Variants in PPP1R12B observed in about 807,000 individuals in gnomAD.
PPP1R12B encodes the protein protein phosphatase 1 regulatory subunit 12B.
In PPP1R12B, 76 loss-of-function variants were observed where a neutral mutation model predicts 126.1. The observed-to-expected ratio is 0.60, with a 90% confidence interval of 0.50 to 0.73. The LOEUF is 0.73. Ranked by LOEUF, PPP1R12B falls within the 30% of genes least tolerant of loss-of-function variation. PPP1R12B has a pLI of 0.00. For synonymous variants in PPP1R12B, 356 were observed against 434.7 expected, an observed-to-expected ratio of 0.82 and a Z score of 2.25; for missense variants, 1,052 against 1,205.1, an observed-to-expected ratio of 0.87 and a Z score of 1.88.
chr1:202,348,735 A>G lies in PPP1R12B; in HGVS notation c.-117A>G, dbSNP rs1032476098. 4.2e-5 allele frequency: 55 copies of G among 1,314,644 alleles called. No individual in the cohort carries two copies. Among genetic ancestry groups the G allele is most frequent in the South Asian group, 4.7e-5 (3 of 64,514 alleles). 81.4% of individuals were successfully genotyped at this position (1,314,644 alleles called of 1,614,324 possible). A position where few individuals can be genotyped will look rare whatever the true frequency, so the allele number is the denominator to read the frequency against. On this transcript the variant is annotated 5_prime_UTR_variant, in exon 1 of 24. Transcript: ENST00000608999. ...CGGGAGGAGTAAAGATGGCGGCGCG[A>G]GGGTCTCCGCCCTCTGCTCCGGGCT...
At chr1:202,435,149 G>C (rs2741852) in intron 9 of PPP1R12B, among the ~76,000 whole-genome samples, 81,156 of 151,846 alleles carry the variant, frequency 0.53, 22,111 homozygotes, top group East Asian at 0.71. Flanking sequence ...CCTCATTTAA[G>C]CTTCATCACT....
At chr1:202,439,713 C>T in intron 10 of PPP1R12B, 2 of 590,704 alleles carry the variant, frequency 3.4e-6, no homozygotes, top group Middle Eastern at 4.6e-4. Context: ...TTGTGCAGCC[C>T]AGCCAGCAGG....
chr1:202,474,954 G>C (rs1360078270), intron 13 of PPP1R12B, among the ~76,000 whole-genome samples: 1 of 152,138 alleles, frequency 6.6e-6, no homozygotes, highest in Non-Finnish European at 1.5e-5. Flanking sequence ...ATTTAGTGAG[G>C]AGACTTAGAG....
At chr1:202,350,514 T>C (rs528825733) in intron 1 of PPP1R12B, among the ~76,000 whole-genome samples, 5 of 152,326 alleles carry the variant, frequency 3.3e-5, no homozygotes, top group African/African-American at 9.6e-5. Flanking sequence ...TCTCACTTAA[T>C]AAGGAGCTGA....
chr1:202,368,094 C>T (rs1028534135), intron 1 of PPP1R12B, among the ~76,000 whole-genome samples: 4 of 152,016 alleles, frequency 2.6e-5, no homozygotes, highest in Admixed American at 6.6e-5. Flanking sequence ...CTCAGTTTCC[C>T]GAGTAGCTGG....
intron 18 of PPP1R12B, among the ~76,000 whole-genome samples, chr1:202,551,377 A>G (rs1244668510): frequency 1.3e-5 from 2 of 152,314 alleles, no homozygotes; most frequent in South Asian, 2.1e-4. Flanking sequence ...ACACATATGT[A>G]TACCAGGTCA....
At chr1:202,439,585 C>T (rs1671341873) in intron 10 of PPP1R12B, 1 of 1,265,876 alleles carries the variant, frequency 7.9e-7, no homozygotes, top group Non-Finnish European at 1.1e-6. Context: ...AGGTGGCCGC[C>T]ACCCCCTCTG....
chr1:202,357,413 TGAA>T (rs1657311659), intron 1 of PPP1R12B, among the ~76,000 whole-genome samples: 1 of 152,196 alleles, frequency 6.6e-6, no homozygotes, highest in Admixed American at 6.5e-5. Context: ...GGAGGTTATA[TGAA>T]GTTTTTTTTT....
In PPP1R12B at chr1:202,432,455, A is replaced by G. The variant is rs1214988625; in HGVS notation, c.1141+836A>G. On this transcript the variant is annotated intron_variant, in intron 8 of 23. Coordinates refer to ENST00000608999, the MANE Select transcript of PPP1R12B (RefSeq NM_002481.4). ...GCTAATTTTAGTATTTTTAGTAGAG[A>G]CAGGGTTTCACTGTGTTGGCCAGCT... 2.0e-5 allele frequency among the ~76,000 whole-genome samples: 3 copies of G among 151,996 alleles called. 1 individual carries two copies. The highest frequency in any genetic ancestry group is 4.1e-4 in the South Asian group (2 of 4,824).
At chr1:202,567,649 T>G (rs1399974384) in intron 21 of PPP1R12B, 129 bp from the exon 22 acceptor site, 1 of 902,120 alleles carries the variant, frequency 1.1e-6, no homozygotes, top group Non-Finnish European at 1.7e-6. Context: ...TGGGGATCCC[T>G]GCTATAGGGG....
chr1:202,550,411 A>G (rs1686188532), intron 18 of PPP1R12B, among the ~76,000 whole-genome samples: 1 of 152,052 alleles, frequency 6.6e-6, no homozygotes, highest in African/African-American at 2.4e-5. Context: ...GTGGGGAGAG[A>G]CCTGGAATCT....
At chr1:202,421,453 A>G (rs962420684) in intron 2 of PPP1R12B, among the ~76,000 whole-genome samples, 3 of 151,736 alleles carry the variant, frequency 2.0e-5, no homozygotes, top group African/African-American at 7.3e-5. Flanking sequence ...CCTGACCAAC[A>G]TGGCAACACA....
intron 18 of PPP1R12B, among the ~76,000 whole-genome samples, chr1:202,513,931 G>A (rs1332386671): frequency 1.3e-5 from 2 of 152,206 alleles, no homozygotes; most frequent in Admixed American, 1.3e-4. Context: ...AGAAGGAAAA[G>A]AGCCTGGAAA....
chr1:202,503,599 G>GC (rs1680460730), intron 18 of PPP1R12B, among the ~76,000 whole-genome samples: 1 of 152,094 alleles, frequency 6.6e-6, no homozygotes, highest in Non-Finnish European at 1.5e-5. Flanking sequence ...CAGAGAAGAG[G>GC]CCGAAAGAGC....
At chr1:202,486,820 C>A (rs181600685) in intron 13 of PPP1R12B, among the ~76,000 whole-genome samples, 1 of 152,220 alleles carries the variant, frequency 6.6e-6, no homozygotes, top group East Asian at 1.9e-4. Flanking sequence ...AAAACAAAAC[C>A]TTCCCACAAG....
At chr1:202,446,790 T>C (rs1027000650) in intron 12 of PPP1R12B, among the ~76,000 whole-genome samples, 2 of 151,926 alleles carry the variant, frequency 1.3e-5, no homozygotes, top group South Asian at 2.1e-4. Context: ...TTTTTTTTTT[T>C]CTTGCACTTA....
intron 1 of PPP1R12B, among the ~76,000 whole-genome samples, chr1:202,351,519 A>T (rs534844104): frequency 2.6e-5 from 4 of 152,310 alleles, no homozygotes; most frequent in African/African-American, 4.8e-5. Flanking sequence ...GATTACAGGC[A>T]TGAGCCACCG....
intron 18 of PPP1R12B, among the ~76,000 whole-genome samples, chr1:202,530,073 G>T (rs1683771545): frequency 6.6e-6 from 1 of 151,934 alleles, no homozygotes; most frequent in Non-Finnish European, 1.5e-5. Flanking sequence ...GAGCCCTTTT[G>T]CTACTTTTAA....
chr1:202,356,066 A>T (rs549472439), intron 1 of PPP1R12B, among the ~76,000 whole-genome samples: 8 of 152,230 alleles, frequency 5.3e-5, no homozygotes, highest in Admixed American at 4.6e-4. Context: ...ATGTGGTCCC[A>T]GTTACATAGG....
Sources: allele counts gnomAD v4.1 joint callset (sites outside exome capture counted in the v4.1 genomes callset), GRCh38; gene constraint gnomAD v4.1.1; transcripts MANE v1.5; gene names NCBI Gene and HGNC (gene_info 2026-07-23, HGNC 2026-07-21).